The following TUBGCP3 variants were observed in gnomAD, a reference collection of about 807,000 sequenced individuals.
TUBGCP3 encodes tubulin gamma complex component 3.
In TUBGCP3, 50 loss-of-function variants were observed where a neutral mutation model predicts 123.1. The ratio of observed to expected loss-of-function variants is 0.41; its 90% confidence interval spans 0.32 to 0.51. The LOEUF is 0.51. TUBGCP3 is among the 20% of genes least tolerant of loss of function. The pLI, the probability that TUBGCP3 is intolerant of heterozygous loss-of-function variation, is 0.36. For missense variants in TUBGCP3, 882 were observed against 1,127.0 expected, an observed-to-expected ratio of 0.78 and a Z score of 3.11; for synonymous variants, 405 against 413.9, an observed-to-expected ratio of 0.98 and a Z score of 0.26.
chr13:112,519,070 G>C lies in TUBGCP3; in HGVS notation c.1882-27C>G. On this transcript the variant is annotated intron_variant, in intron 15 of 21. Coordinates refer to ENST00000261965, the MANE Select transcript of TUBGCP3 (RefSeq NM_006322.6). This position sits in a 1 kb window ranked among gnomAD's most constrained non-coding sequence, Gnocchi z 6.2. ...TAACAACAGAAACAAACACATAATT[G>C]CAAGACCTTAAGCTTCTTGCTGAAG... The C allele has an allele frequency of 6.3e-7, 1 of 1,581,956 alleles. No individual in the cohort carries two copies. The highest frequency in any genetic ancestry group is 8.7e-7 in the Non-Finnish European group (1 of 1,150,924).
At chr13:112,539,017 A>G (rs1182199334) in intron 11 of TUBGCP3, among the ~76,000 whole-genome samples, 1 of 152,250 alleles carries the variant, frequency 6.6e-6, no homozygotes, top group East Asian at 1.9e-4. Context: ...ATATTTATAA[A>G]TGTAGGGTCT....
At chr13:112,499,572 A>C (rs754393990) in intron 19 of TUBGCP3, among the ~76,000 whole-genome samples, 1 of 152,220 alleles carries the variant, frequency 6.6e-6, no homozygotes, top group Non-Finnish European at 1.5e-5. Flanking sequence ...TTGAAAAAAG[A>C]ATAGGAAAGC....
the TUBGCP3 span, among the ~76,000 whole-genome samples, chr13:112,596,184 G>C: frequency 1.3e-5 from 2 of 152,184 alleles, no homozygotes; most frequent in South Asian, 2.1e-4. Context: ...GAGTAGAAGA[G>C]AGCCTATTGT....
rs1877280931 is a variant in TUBGCP3, at chr13:112,528,108, AC to A, written c.1336-625del. ...ACTGGCATGCAGCTCCCCTGCCCTG[AC>A]CCTGACGGGCACCTACATCACTGCC... On this transcript the variant is annotated intron_variant, in intron 11 of 21. Transcript: ENST00000261965. Among the ~76,000 whole-genome samples the A allele has an allele frequency of 3.9e-5, 6 of 152,310 alleles. No individual in the cohort carries two copies. The South Asian group carries it at 1.2e-3, about 32-fold the overall frequency.
intron 3 of TUBGCP3, 70 bp downstream of exon 3, chr13:112,565,041 C>T: frequency 7.7e-7 from 1 of 1,296,236 alleles, no homozygotes; most frequent in South Asian, 1.6e-5. Flanking sequence ...AAAAAACATT[C>T]AAAGGTTCCT....
chr13:112,525,520 C>T (rs1024219869), intron 13 of TUBGCP3, among the ~76,000 whole-genome samples: 2 of 152,198 alleles, frequency 1.3e-5, no homozygotes, highest in Admixed American at 6.5e-5. Flanking sequence ...CAGTGTCCTA[C>T]GCAAAGTAAA....
At chr13:112,516,189 A>T (rs1020585937) in intron 17 of TUBGCP3, among the ~76,000 whole-genome samples, 1 of 152,386 alleles carries the variant, frequency 6.6e-6, no homozygotes, top group East Asian at 1.9e-4. Context: ...AAAACACTGT[A>T]TGGATTTTAA....
chr13:112,495,489 A>G (rs779063208), intron 20 of TUBGCP3, among the ~76,000 whole-genome samples: 1 of 152,180 alleles, frequency 6.6e-6, no homozygotes, highest in Non-Finnish European at 1.5e-5. Context: ...GTATTAAATG[A>G]TATTTTCCAT....
chr13:112,591,298 A>G (rs989331755), upstream of TUBGCP3, among the ~76,000 whole-genome samples: 1 of 152,238 alleles, frequency 6.6e-6, no homozygotes, highest in Non-Finnish European at 1.5e-5. Flanking sequence ...AAAACTCTCC[A>G]GAACCAACAA....
intron 10 of TUBGCP3, chr13:112,546,295 G>A (rs948799923): frequency 6.4e-5 from 11 of 170,722 alleles, no homozygotes; most frequent in South Asian, 5.7e-4. Context: ...TTTTTGGTAT[G>A]GTATGCTAGC....
chr13:112,536,359 T>A (rs576191009), intron 11 of TUBGCP3, among the ~76,000 whole-genome samples: 1 of 152,228 alleles, frequency 6.6e-6, no homozygotes, highest in African/African-American at 2.4e-5. Flanking sequence ...ATATCAAACA[T>A]TGAAAGTGTG....
chr13:112,523,748 A>C (rs943707703), intron 13 of TUBGCP3, among the ~76,000 whole-genome samples: 12 of 152,182 alleles, frequency 7.9e-5, no homozygotes, highest in Non-Finnish European at 7.3e-5. Context: ...GCCTCCTCGG[A>C]ACTCTCTTTG....
intron 20 of TUBGCP3, among the ~76,000 whole-genome samples, chr13:112,497,134 A>G (rs1381801767): frequency 6.6e-6 from 1 of 152,232 alleles, no homozygotes; most frequent in Non-Finnish European, 1.5e-5. Flanking sequence ...TAAGCGTCAT[A>G]TATCATCACA....
At chr13:112,516,134 T>C (rs4907534) in intron 17 of TUBGCP3, among the ~76,000 whole-genome samples, 55 of 152,258 alleles carry the variant, frequency 3.6e-4, no homozygotes, top group Admixed American at 1.4e-3. Flanking sequence ...TTCTGGTTTA[T>C]GGACAAAACA....
intron 1 of TUBGCP3, among the ~76,000 whole-genome samples, chr13:112,578,529 A>G (rs1882024766): frequency 7.9e-6 from 1 of 126,388 alleles, no homozygotes; most frequent in South Asian, 2.8e-4. Flanking sequence ...ACTGCAGTCC[A>G]GCTTGGGCGA....
At chr13:112,498,823 TG>T in intron 20 of TUBGCP3, 1 of 1,569,790 alleles carries the variant, frequency 6.4e-7, no homozygotes, top group Middle Eastern at 1.7e-4. Context: ...TGAATGCTGC[TG>T]TTTTTATTTA....
Position 112,522,389 on chromosome 13 carries a change from A to G in TUBGCP3, c.1676T>C (p.Met559Thr), listed in dbSNP as rs748444376. The change falls in exon 14 of 22, where the codon ATG becomes ACG. Residue 559 changes from methionine to threonine, a missense_variant. Around this residue, in one of 3 missense-constraint regions of TUBGCP3, gnomAD observed 713 missense variants for 874.0 expected, o/e 0.82. Coordinates refer to ENST00000261965, the MANE Select transcript of TUBGCP3 (RefSeq NM_006322.6). ...LNKKYSLLDH[M>T]QAMRRYLLLG... ...AAGCAGGTACCGCCTCATTGCCTGC[A>G]TGTGGTCCAGCAAGCTGTACTTTTT... The G allele has an allele frequency of 2.5e-6, 4 of 1,614,100 alleles. No individual in the cohort carries two copies. In the South Asian group the frequency reaches 3.3e-5, roughly 13 times the overall value.
rs769918590 is a variant in TUBGCP3, at chr13:112,558,180, G to GT, written c.548+15dup. ...TCTAACACATAGAGAATCTATACACGTCAGTGTGGCCTTACCCTGGGAGGA... is the reference window on the plus strand; with the variant it reads ...TCTAACACATAGAGAATCTATACACGTTCAGTGTGGCCTTACCCTGGGAGGA... On this transcript the variant is annotated intron_variant, in intron 5 of 21. Coordinates refer to ENST00000261965, the MANE Select transcript of TUBGCP3 (RefSeq NM_006322.6). 4 of 1,603,794 alleles carry GT rather than the reference G, an allele frequency of 2.5e-6. No individual in the cohort carries two copies. In the African/African-American group the frequency reaches 5.4e-5, roughly 21 times the overall value.
intron 1 of TUBGCP3, among the ~76,000 whole-genome samples, chr13:112,587,546 C>T (rs1461467182): frequency 6.6e-6 from 1 of 152,250 alleles, no homozygotes; most frequent in African/African-American, 2.4e-5. Context: ...AATTGGCGAG[C>T]TGGCATTCCT....
Sources: allele counts gnomAD v4.1 joint callset (sites outside exome capture counted in the v4.1 genomes callset), GRCh38; gene constraint gnomAD v4.1.1; regional missense constraint gnomAD v4.1.1; non-coding constraint Gnocchi (gnomAD v3.1); transcripts MANE v1.5; gene names NCBI Gene and HGNC (gene_info 2026-07-23, HGNC 2026-07-21).